The following LAMP5 variants were observed in gnomAD, a reference collection of about 807,000 sequenced individuals.
The protein encoded by LAMP5 is lysosome associated membrane protein 5, also known as lysosome-associated membrane glycoprotein 5.
A neutral mutation model predicts 30.2 loss-of-function variants in LAMP5; 36 were observed. The ratio of observed to expected loss-of-function variants is 1.19; its 90% CI spans 0.91 to 1.57. LAMP5 has a LOEUF of 1.57. LAMP5 is among the 40% of genes most tolerant of loss of function. The pLI, the probability that LAMP5 is intolerant of heterozygous loss-of-function variation, is 0.00. For missense variants in LAMP5, 377 were observed against 354.9 expected (o/e 1.06, Z -0.50); for synonymous variants, 149 against 134.6 (o/e 1.11, Z -0.74).
At chr20:9,525,187 C>T (rs566172283) in intron 5 of LAMP5, among the ~76,000 whole-genome samples, 8 of 151,992 alleles carry the variant, frequency 5.3e-5, no homozygotes, top group African/African-American at 1.9e-4. Flanking sequence ...CTCTAATTTT[C>T]TTAAAGAATG....
At chr20:9,517,639 T>TGTGTGTGTGTGTGTGTGTGTGTGTGTGTG (rs1474402891) in intron 4 of LAMP5, among the ~76,000 whole-genome samples, 1 of 89,684 alleles carries the variant, frequency 1.1e-5, no homozygotes, top group Non-Finnish European at 2.3e-5. Flanking sequence ...GTGTGTGTAT[T>TGTGTGTGTGTGTGTGTGTGTGTGTGTGTG]TGTAGAGACA....
chr20:9,529,685 C>T lies in LAMP5; in HGVS notation c.708C>T (p.Thr236=). 2 of 1,614,188 alleles carry T rather than the reference C, an allele frequency of 1.2e-6. No individual in the cohort carries two copies. Among genetic ancestry groups the T allele is most frequent in the Non-Finnish European group, 1.7e-6 (2 of 1,180,028 alleles). ...PVDEREQLEE[T]LPLILGLILG... ...ATGAGCGGGAGCAACTGGAAGAAACCTTGCCCCTGATTTTGGGGCTCATCT... is the reference window on the plus strand; with the variant it reads ...ATGAGCGGGAGCAACTGGAAGAAACTTTGCCCCTGATTTTGGGGCTCATCT... The change falls in exon 6 of 6, where the codon ACC becomes ACT. Residue 236 remains threonine (T), a synonymous_variant. Transcript: ENST00000246070.
rs62193582 is a variant in LAMP5, at chr20:9,520,914, G to C, written c.664+2686G>C. The stretch of plus-strand genomic sequence containing the variant: ...CCAGCAATGAGCTCATGAAACTTCA[G>C]CTTCAATGTGCAATGACTGTGGTGA... On this transcript the variant is annotated intron_variant, in intron 5 of 5. Transcript: ENST00000246070. 1.9e-3 allele frequency among the ~76,000 whole-genome samples: 292 copies of C among 152,170 alleles called. 2 individuals are homozygous for C. The highest frequency in any genetic ancestry group is 3.9e-3 in the South Asian group (19 of 4,812).
At position 9,514,752 on chromosome 20, in the gene LAMP5, C is replaced by T; in HGVS notation, c.-101C>T. ...CTCCCTCCCCCTTCTCTGTCCCCCGCCTCTCGCTCACCCCGGCCCACTCCA... is the reference window on the plus strand; with the variant it reads ...CTCCCTCCCCCTTCTCTGTCCCCCGTCTCTCGCTCACCCCGGCCCACTCCA... On this transcript the variant is annotated 5_prime_UTR_variant, in exon 1 of 6. Coordinates refer to ENST00000246070, the MANE Select transcript of LAMP5 (RefSeq NM_012261.4). 4.9e-6 allele frequency: 5 copies of T among 1,027,300 alleles called. No homozygotes were observed. Among genetic ancestry groups the T allele is most frequent in the Non-Finnish European group, 4.5e-6 (3 of 669,332 alleles). The allele number at this position is 1,027,300 out of a possible 1,614,324, so 63.6% of individuals were successfully genotyped here. A position where few individuals can be genotyped will look rare whatever the true frequency, so the allele number is the denominator to read the frequency against.
chr20:9,527,598 TA>T (rs1426547112), intron 5 of LAMP5, among the ~76,000 whole-genome samples: 1 of 152,206 alleles, frequency 6.6e-6, no homozygotes. Flanking sequence ...CGTCTGGACT[TA>T]AAAAACTTGG....
intron 5 of LAMP5, among the ~76,000 whole-genome samples, chr20:9,526,857 T>TGG (rs2045115985): frequency 1.2e-5 from 1 of 81,024 alleles, no homozygotes; most frequent in South Asian, 3.9e-4. Flanking sequence ...TATGTGTGTG[T>TGG]GTGTATATAT....
intron 4 of LAMP5, 119 bp from the exon 5 acceptor site, chr20:9,517,921 G>A (rs1199536160): frequency 1.2e-6 from 1 of 804,106 alleles, no homozygotes; most frequent in Non-Finnish European, 2.0e-6. Context: ...GCCCTGGCAA[G>A]GGAACAGAGA....
chr20:9,520,811 T>C (rs1202120179), intron 5 of LAMP5, among the ~76,000 whole-genome samples: 2 of 152,270 alleles, frequency 1.3e-5, no homozygotes, highest in Non-Finnish European at 2.9e-5. Flanking sequence ...AAATGGAGGT[T>C]GACATCTTTA....
chr20:9,526,735 A>G (rs915138954), intron 5 of LAMP5, among the ~76,000 whole-genome samples: 3 of 151,756 alleles, frequency 2.0e-5, no homozygotes, highest in African/African-American at 7.2e-5. Context: ...GTTTAGTCCT[A>G]ATAAGTCCTT....
chr20:9,523,581 A>C (rs2122841677), intron 5 of LAMP5, among the ~76,000 whole-genome samples: 1 of 152,244 alleles, frequency 6.6e-6, no homozygotes, highest in South Asian at 2.1e-4. Context: ...CTGGCAACAG[A>C]TTATGCATTT....
In LAMP5 at chr20:9,517,953, T is replaced by C. The variant is rs2045052572; in HGVS notation, c.476-87T>C. On this transcript the variant is annotated intron_variant, in intron 4 of 5. Coordinates refer to ENST00000246070, the MANE Select transcript of LAMP5 (RefSeq NM_012261.4). ...GAGAGGACAGGAGGGGTGTGGTGTC[T>C]GGAACTGAGAGGCAATAGCCAGCTC... 3.3e-6 allele frequency: 4 copies of C among 1,213,592 alleles called. No homozygotes were observed. The South Asian group carries it at 5.6e-5, about 17-fold the overall frequency. 75.2% of individuals were successfully genotyped at this position (1,213,592 alleles called of 1,614,324 possible).
intron 5 of LAMP5, among the ~76,000 whole-genome samples, chr20:9,524,610 A>C (rs1033073420): frequency 4.7e-5 from 7 of 150,350 alleles, no homozygotes; most frequent in African/African-American, 9.8e-5. Context: ...AAAAAAAAAA[A>C]AAAAAACAAA....
At position 9,530,029 on chromosome 20, in the gene LAMP5, T is replaced by A; in HGVS notation, c.*209T>A. On this transcript the variant is annotated 3_prime_UTR_variant, in exon 6 of 6. Transcript: ENST00000246070. Reference sequence around the variant, plus strand: ...ATTTGTAGGGTGAAATGGCAATTATTCTCTCCATGCTGGGGAGGAGGGGAG... The same window carrying A: ...ATTTGTAGGGTGAAATGGCAATTATACTCTCCATGCTGGGGAGGAGGGGAG... 2.1e-6 allele frequency: 1 copy of A among 477,382 alleles called. No homozygotes were observed. The highest frequency in any genetic ancestry group is 3.7e-6 in the Non-Finnish European group (1 of 269,386). 29.6% of individuals were successfully genotyped at this position (477,382 alleles called of 1,614,324 possible). A position where few individuals can be genotyped will look rare whatever the true frequency, so the allele number is the denominator to read the frequency against.
At chr20:9,516,791 A>G (rs2045043815) in intron 4 of LAMP5, among the ~76,000 whole-genome samples, 1 of 152,134 alleles carries the variant, frequency 6.6e-6, no homozygotes, top group South Asian at 2.1e-4. Context: ...TCAGGATGTG[A>G]TGGCCTTCAG....
At position 9,516,015 on chromosome 20, in the gene LAMP5, G is replaced by A; in HGVS notation, c.253G>A (p.Ala85Thr). The A allele has an allele frequency of 6.6e-7, 1 of 1,525,344 alleles. No homozygotes were observed. Among genetic ancestry groups the A allele is most frequent in the Non-Finnish European group, 8.8e-7 (1 of 1,141,870 alleles). The allele number at this position is 1,525,344 out of a possible 1,614,324, so 94.5% of individuals were successfully genotyped here. Residue 85 changes from alanine (A) to threonine (T), a missense_variant, in exon 3 of 6, where the codon GCC (alanine) becomes ACC (threonine). Physicochemically the swap from Ala to Thr is moderately conservative, Grantham distance 58. Transcript: ENST00000246070. ...SNYVDLITEQ[A>T]DIALTRGAEV... ...GTGTTCCCAGCTGATCACAGAACAG[G>A]CCGATATCGCATTGACCCGGGGAGC...
At chr20:9,526,901 T>TATATATATATATATAC (rs1484307399) in intron 5 of LAMP5, among the ~76,000 whole-genome samples, 4 of 114,418 alleles carry the variant, frequency 3.5e-5, no homozygotes, top group Admixed American at 9.1e-5. Flanking sequence ...TATATATATA[T>TATATATATATATATAC]ACACACACAT....
chr20:9,525,083 T>G, intron 5 of LAMP5, among the ~76,000 whole-genome samples: 1 of 152,152 alleles, frequency 6.6e-6, no homozygotes, highest in East Asian at 1.9e-4. Flanking sequence ...TTTTTTTTCC[T>G]AAAGCAACAA....
chr20:9,518,695 G>C (rs1269997691), intron 5 of LAMP5, among the ~76,000 whole-genome samples: 1 of 152,260 alleles, frequency 6.6e-6, no homozygotes, highest in African/African-American at 2.4e-5. Flanking sequence ...AATCTAGAGA[G>C]CTACAGATGG....
rs2045140687 is a variant in LAMP5, at chr20:9,530,082, T to C, written c.*262T>C. 1 of 325,594 alleles carries C rather than the reference T, an allele frequency of 3.1e-6. No individual in the cohort carries two copies. The highest frequency in any genetic ancestry group is 5.7e-6 in the Non-Finnish European group (1 of 175,462). The allele number at this position is 325,594 out of a possible 1,614,324, so 20.2% of individuals were successfully genotyped here. ...GGGTCTCAGACAGCTTTCGTGCTCA[T>C]GGTGGCTTGGCTTTGACTCTCCAAA... On this transcript the variant is annotated 3_prime_UTR_variant, in exon 6 of 6. Transcript: ENST00000246070.
Sources: gnomAD v4.1 joint callset for allele counts (sites outside exome capture counted in the v4.1 genomes callset) on GRCh38, gnomAD v4.1.1 for gene constraint, MANE v1.5 for transcripts, NCBI Gene and HGNC (gene_info 2026-07-23, HGNC 2026-07-21) for gene names.